Variants in DOK6 observed in about 807,000 individuals in gnomAD.
DOK6 encodes docking protein 6.
Under a neutral mutation model 44.0 loss-of-function variants are expected in DOK6, and 22 were observed. That is an observed-to-expected ratio of 0.50 (90% CI 0.36 to 0.71). DOK6 has a LOEUF of 0.71. DOK6 is among the 30% of genes least tolerant of loss of function. The pLI, the probability that DOK6 is intolerant of heterozygous loss-of-function variation, is 0.00. For missense variants in DOK6, 340 were observed against 416.4 expected (o/e 0.82, Z 1.60); for synonymous variants, 166 against 145.5 (o/e 1.14, Z -1.01).
In DOK6 at chr18:69,424,632, AT is replaced by A. The variant is rs1344242862; in HGVS notation, c.66+23328del. On this transcript the variant is annotated intron_variant, in intron 1 of 7. Transcript: ENST00000382713. Reference sequence around the variant, plus strand: ...AAATTTATTCTCTTTGTGACTTATAATTTTTTGTCTTACTCAAGAAGGCTCT... The same window carrying A: ...AAATTTATTCTCTTTGTGACTTATAATTTTTGTCTTACTCAAGAAGGCTCT... 1.3e-4 allele frequency among the ~76,000 whole-genome samples: 17 copies of A among 135,474 alleles called. 1 individual carries two copies. The highest frequency in any genetic ancestry group is 4.5e-4 in the South Asian group (2 of 4,464). The allele number at this position is 135,474 out of a possible 152,430, so 88.9% of individuals were successfully genotyped here.
At chr18:69,756,452 G>C (rs770135873) in intron 6 of DOK6, among the ~76,000 whole-genome samples, 3 of 152,160 alleles carry the variant, frequency 2.0e-5, no homozygotes, top group Non-Finnish European at 4.4e-5. Flanking sequence ...TACCTCAACA[G>C]TCCCAGACTT....
chr18:69,536,761 G>T (rs1982132813), intron 1 of DOK6, among the ~76,000 whole-genome samples: 1 of 151,692 alleles, frequency 6.6e-6, no homozygotes. Context: ...AAGATTTTTT[G>T]TTTTAAAGGG....
At chr18:69,503,257 T>C (rs1296142686) in intron 1 of DOK6, among the ~76,000 whole-genome samples, 1 of 152,078 alleles carries the variant, frequency 6.6e-6, no homozygotes, top group African/African-American at 2.4e-5. Flanking sequence ...AATTATCTTC[T>C]AAACAGGAAC....
intron 2 of DOK6, among the ~76,000 whole-genome samples, chr18:69,575,251 A>G (rs1469952286): frequency 6.6e-6 from 1 of 152,120 alleles, no homozygotes; most frequent in Non-Finnish European, 1.5e-5. Context: ...TATGAGGAGC[A>G]GTTTTCACTG....
At chr18:69,468,836 G>T (rs1236548306) in intron 1 of DOK6, among the ~76,000 whole-genome samples, 1 of 152,134 alleles carries the variant, frequency 6.6e-6, no homozygotes, top group Non-Finnish European at 1.5e-5. Context: ...AGAATATAAA[G>T]ACACGAACTT....
chr18:69,770,154 C>G (rs946390837), intron 7 of DOK6, among the ~76,000 whole-genome samples: 4 of 152,038 alleles, frequency 2.6e-5, no homozygotes, highest in Admixed American at 6.6e-5. Context: ...CTGATATTTA[C>G]TCAGCACTTG....
Position 69,847,017 on chromosome 18 carries a change from A to G in DOK6, c.*5634A>G, listed in dbSNP as rs972297012. The G allele has an allele frequency of 7.9e-5, 12 of 152,218 alleles. No homozygotes were observed. The highest frequency in any genetic ancestry group is 1.0e-4 in the Non-Finnish European group (7 of 68,042). The allele number at this position is 152,218 out of a possible 1,614,324, so 9.4% of individuals were successfully genotyped here. ...CACATTATACTTGTAATTTTCAGAC[A>G]CTTTTCTCCTACCTTAAGATTTTAA... On this transcript the variant is annotated 3_prime_UTR_variant, in exon 8 of 8. Transcript: ENST00000382713.
At chr18:69,679,740 T>C (rs17081499) in intron 4 of DOK6, among the ~76,000 whole-genome samples, 6 of 152,188 alleles carry the variant, frequency 3.9e-5, no homozygotes, top group African/African-American at 1.2e-4. Flanking sequence ...CTTTGAAGAT[T>C]TGGAGATATA....
At chr18:69,840,561 G>A (rs904547643) in intron 7 of DOK6, among the ~76,000 whole-genome samples, 1 of 152,218 alleles carries the variant, frequency 6.6e-6, no homozygotes, top group Admixed American at 6.5e-5. Flanking sequence ...CAGGGGTGCA[G>A]CTGAACAACC....
intron 2 of DOK6, among the ~76,000 whole-genome samples, chr18:69,589,342 AG>A (rs1488148677): frequency 6.6e-6 from 1 of 152,106 alleles, no homozygotes; most frequent in Admixed American, 6.5e-5. Flanking sequence ...TACTCTCAAA[AG>A]TAAAATCTTT....
intron 7 of DOK6, among the ~76,000 whole-genome samples, chr18:69,781,870 T>C (rs1463791897): frequency 6.6e-6 from 1 of 152,156 alleles, no homozygotes; most frequent in Non-Finnish European, 1.5e-5. Context: ...AAAGAAAACT[T>C]TGTTATGGTT....
intron 7 of DOK6, among the ~76,000 whole-genome samples, chr18:69,759,403 A>G (rs1436346323): frequency 6.6e-6 from 1 of 152,186 alleles, no homozygotes; most frequent in Non-Finnish European, 1.5e-5. Flanking sequence ...AAACTATAAA[A>G]TGTTTAAATG....
intron 1 of DOK6, among the ~76,000 whole-genome samples, chr18:69,551,296 C>G (rs902051744): frequency 6.6e-5 from 10 of 152,084 alleles, no homozygotes; most frequent in Non-Finnish European, 1.3e-4. Context: ...AAGCTTGTGC[C>G]TGGGCTATCT....
At chr18:69,744,174 G>GT (rs1978899345) in intron 6 of DOK6, among the ~76,000 whole-genome samples, 1 of 152,062 alleles carries the variant, frequency 6.6e-6, no homozygotes, top group South Asian at 2.1e-4. Context: ...AGCTGGTGTG[G>GT]TGGTGGGTGC....
At chr18:69,555,381 C>T (rs1982662012) in intron 1 of DOK6, among the ~76,000 whole-genome samples, 1 of 151,996 alleles carries the variant, frequency 6.6e-6, no homozygotes, top group Non-Finnish European at 1.5e-5. Context: ...TAGGTGTAGT[C>T]TTTTTTTCCG....
At chr18:69,645,749 C>T (rs1241902237) in intron 3 of DOK6, among the ~76,000 whole-genome samples, 3 of 152,144 alleles carry the variant, frequency 2.0e-5, no homozygotes, top group African/African-American at 7.2e-5. Context: ...AGCAGCTTTA[C>T]TTGTAATATC....
chr18:69,614,150 G>A (rs1006747098), intron 3 of DOK6, among the ~76,000 whole-genome samples: 13 of 151,854 alleles, frequency 8.6e-5, no homozygotes, highest in South Asian at 4.2e-4. Flanking sequence ...TCCCCATAAC[G>A]ATTTGTGTTA....
intron 1 of DOK6, among the ~76,000 whole-genome samples, chr18:69,496,392 A>C (rs1980890883): frequency 6.6e-6 from 1 of 152,218 alleles, no homozygotes; most frequent in African/African-American, 2.4e-5. Flanking sequence ...GGCTACCACC[A>C]GGTCTATGGA....
intron 1 of DOK6, among the ~76,000 whole-genome samples, chr18:69,494,440 C>T (rs1231777820): frequency 1.3e-5 from 2 of 152,034 alleles, no homozygotes; most frequent in South Asian, 2.1e-4. Flanking sequence ...CAAGCCACTA[C>T]ACTCCAGCCT....
Sources: allele counts gnomAD v4.1 joint callset (sites outside exome capture counted in the v4.1 genomes callset), GRCh38; gene constraint gnomAD v4.1.1; transcripts MANE v1.5; gene names NCBI Gene and HGNC (gene_info 2026-07-23, HGNC 2026-07-21).